MIR2052HG: variants seen among roughly 807,000 people sequenced by gnomAD.
MIR2052HG encodes MIR2052 host gene.
At chr8:74,630,205 A>C (rs896778841) in intron 2 of MIR2052HG, among the ~76,000 whole-genome samples, 2 of 152,162 alleles carry the variant, frequency 1.3e-5, no homozygotes, top group African/African-American at 4.8e-5. Context: ...TGTTCAGCTC[A>C]AAATAGACTC....
At chr8:74,690,202 T>C in intron 2 of MIR2052HG, among the ~76,000 whole-genome samples, 1 of 152,198 alleles carries the variant, frequency 6.6e-6, no homozygotes, top group Non-Finnish European at 1.5e-5. Flanking sequence ...GTGAGTGACT[T>C]ATTATATGTT....
chr8:74,686,923 T>C (rs754643446), intron 2 of MIR2052HG, among the ~76,000 whole-genome samples: 80 of 152,262 alleles, frequency 5.3e-4, no homozygotes, highest in Non-Finnish European at 1.0e-3. Flanking sequence ...CAGAATCCCT[T>C]TTAAAAGACT....
intron 2 of MIR2052HG, among the ~76,000 whole-genome samples, chr8:74,672,653 C>T (rs1188497617): frequency 6.6e-6 from 1 of 151,924 alleles, no homozygotes; most frequent in African/African-American, 2.4e-5. Context: ...AATACTGTTC[C>T]CAAATTTGCA....
At chr8:74,600,748 G>A (rs1244065945) in intron 1 of MIR2052HG, among the ~76,000 whole-genome samples, 1 of 151,874 alleles carries the variant, frequency 6.6e-6, no homozygotes, top group Non-Finnish European at 1.5e-5. Flanking sequence ...GCTAATTTTT[G>A]TATTTTTAGT....
chr8:74,607,718 T>C (rs1397267291), intron 1 of MIR2052HG, among the ~76,000 whole-genome samples: 1 of 152,186 alleles, frequency 6.6e-6, no homozygotes, highest in Non-Finnish European at 1.5e-5. Flanking sequence ...ATTAATAGTA[T>C]AAGTGAAATA....
intron 2 of MIR2052HG, among the ~76,000 whole-genome samples, chr8:74,693,188 T>C (rs1413889214): frequency 6.6e-6 from 1 of 152,228 alleles, no homozygotes; most frequent in African/African-American, 2.4e-5. Context: ...TTTCTTGTTG[T>C]AACCAACTTG....
chr8:74,737,443 C>T (rs988322673), intron 4 of MIR2052HG, among the ~76,000 whole-genome samples: 4 of 152,086 alleles, frequency 2.6e-5, no homozygotes, highest in South Asian at 2.1e-4. Context: ...TCTTTTGTTG[C>T]TTCATTCTTT....
chr8:74,714,708 T>C lies in MIR2052HG; in HGVS notation n.371+11026T>C, dbSNP rs1809503337. ...ACCTCCTTTTTCCTTCTTTTTTTTT[T>C]TTTTTTTTTGTTTTTTTGAGACAGA... is the stretch of plus-strand genomic sequence containing the variant. On this transcript the variant is annotated intron_variant and non_coding_transcript_variant, in intron 4 of 6. Coordinates refer to ENST00000523442, the Ensembl canonical transcript of MIR2052HG. 2.0e-5 allele frequency among the ~76,000 whole-genome samples: 3 copies of C among 150,420 alleles called. No homozygotes were observed. In the South Asian group the frequency reaches 6.3e-4, roughly 31 times the overall value.
chr8:74,648,219 C>G (rs1430401999), intron 2 of MIR2052HG, among the ~76,000 whole-genome samples: 1 of 152,116 alleles, frequency 6.6e-6, no homozygotes, highest in East Asian at 1.9e-4. Flanking sequence ...GTAAGGAATG[C>G]ATTCCTGGGG....
At chr8:74,708,945 A>G (rs58111097) in intron 4 of MIR2052HG, among the ~76,000 whole-genome samples, 1,647 of 152,212 alleles carry the variant, frequency 0.011, 31 homozygotes, top group African/African-American at 0.037. Context: ...TCTAGTAACT[A>G]ATTTAGATTA....
rs187949946 is a variant in MIR2052HG, at chr8:74,600,222, C to A, written n.128+314C>A. Among the ~76,000 whole-genome samples, 12 of 152,142 alleles carry A rather than the reference C, an allele frequency of 7.9e-5. No homozygotes were observed. In the East Asian group the frequency reaches 2.1e-3, roughly 27 times the overall value. ...TCACGCTGGGAGCTGTAGACTGGAG[C>A]TGTTCCTATTCGGCCATCTTGGCTC... On this transcript the variant is annotated intron_variant and non_coding_transcript_variant, in intron 1 of 6. Transcript: ENST00000523442.
intron 4 of MIR2052HG, among the ~76,000 whole-genome samples, chr8:74,733,882 T>C (rs557507634): frequency 3.9e-4 from 60 of 152,176 alleles, no homozygotes; most frequent in Middle Eastern, 3.4e-3. Flanking sequence ...AATGTCTTCT[T>C]TTGAGAAGTG....
chr8:74,699,612 A>G (rs971122985), intron 2 of MIR2052HG, among the ~76,000 whole-genome samples: 1 of 152,080 alleles, frequency 6.6e-6, no homozygotes, highest in African/African-American at 2.4e-5. Flanking sequence ...TAAGAATGAT[A>G]CAAAGGACTT....
intron 2 of MIR2052HG, among the ~76,000 whole-genome samples, chr8:74,615,398 C>A (rs10106137): frequency 0.066 from 10,036 of 152,208 alleles, 433 homozygotes; most frequent in South Asian, 0.12. Context: ...TGCCTCATCC[C>A]CATCTTGAAG....
intron 5 of MIR2052HG, among the ~76,000 whole-genome samples, chr8:74,753,468 G>T (rs1809969065): frequency 6.6e-6 from 1 of 152,194 alleles, no homozygotes; most frequent in African/African-American, 2.4e-5. Flanking sequence ...CTAAGACTGA[G>T]AAATGTTTCT....
intron 2 of MIR2052HG, among the ~76,000 whole-genome samples, chr8:74,677,329 TTAAA>T (rs772244617): frequency 2.6e-5 from 4 of 152,006 alleles, no homozygotes; most frequent in South Asian, 2.1e-4. Context: ...ATTAATATGC[TTAAA>T]TAAATAGATA....
At chr8:74,676,034 A>C (rs1160531972) in intron 2 of MIR2052HG, among the ~76,000 whole-genome samples, 2 of 152,062 alleles carry the variant, frequency 1.3e-5, no homozygotes, top group Non-Finnish European at 2.9e-5. Context: ...CTCAAGAGCA[A>C]TAATAAAGTC....
At chr8:74,685,386 G>T (rs1009532460) in intron 2 of MIR2052HG, among the ~76,000 whole-genome samples, 4 of 152,064 alleles carry the variant, frequency 2.6e-5, no homozygotes, top group Admixed American at 6.6e-5. Context: ...TGAAAATAAA[G>T]GGATCGCAGC....
At chr8:74,643,785 T>C (rs1487898353) in intron 2 of MIR2052HG, among the ~76,000 whole-genome samples, 2 of 152,324 alleles carry the variant, frequency 1.3e-5, no homozygotes, top group East Asian at 3.9e-4. Context: ...ATAAGCAATA[T>C]ATAATACAGT....
Sources: gnomAD v4.1 joint callset for allele counts (sites outside exome capture counted in the v4.1 genomes callset) on GRCh38, gnomAD v4.1.1 for gene constraint, MANE v1.5 for transcripts, NCBI Gene and HGNC (gene_info 2026-07-23, HGNC 2026-07-21) for gene names.